The following MAGI2 variants were observed in gnomAD, a reference collection of about 807,000 sequenced individuals.
MAGI2 encodes the protein membrane-associated guanylate kinase, WW and PDZ domain-containing protein 2.
In MAGI2, 35 loss-of-function variants were observed where a neutral mutation model predicts 133.3. The observed-to-expected ratio is 0.26, with a 90% confidence interval of 0.20 to 0.35. The LOEUF is 0.35. Among genes scored for constraint, MAGI2 ranks in the 10% least tolerant of loss-of-function variants. The probability of loss-of-function intolerance (pLI) is 1.00; values close to 1 mark genes in which losing one functional copy is unlikely to be tolerated. For synonymous variants in MAGI2, 729 were observed against 710.6 expected, an observed-to-expected ratio of 1.03 and a Z score of -0.41; for missense variants, 1,636 against 1,863.4, an observed-to-expected ratio of 0.88 and a Z score of 2.25.
chr7:78,277,914 A>C (rs1211063129), intron 9 of MAGI2, among the ~76,000 whole-genome samples: 6 of 152,144 alleles, frequency 3.9e-5, no homozygotes, highest in Non-Finnish European at 7.4e-5. Flanking sequence ...GCAGGCAGAC[A>C]GAAGAGCAAA....
chr7:79,398,633 C>T (rs1441036034), intron 1 of MAGI2, among the ~76,000 whole-genome samples: 1 of 152,146 alleles, frequency 6.6e-6, no homozygotes, highest in Non-Finnish European at 1.5e-5. Flanking sequence ...TACTTTCATA[C>T]CAGGAAAAGC....
chr7:78,885,114 T>C (rs1796161355), intron 2 of MAGI2, among the ~76,000 whole-genome samples: 1 of 151,986 alleles, frequency 6.6e-6, no homozygotes. Context: ...TAGGTACATA[T>C]GGATATAAAG....
rs536025186 is a variant in MAGI2 at position 78,858,765 on chromosome 7, T to C, written c.418+148325A>G. On this transcript the variant is annotated intron_variant, in intron 2 of 21. Coordinates refer to ENST00000354212, the MANE Select transcript of MAGI2 (RefSeq NM_012301.4). Reference sequence around the variant, plus strand: ...TGGAGAGTTCTGTGGATGTCTATTATGTCTGAGTTCAATTCCTGGATATCC... The same window carrying C: ...TGGAGAGTTCTGTGGATGTCTATTACGTCTGAGTTCAATTCCTGGATATCC... 1.7e-4 allele frequency among the ~76,000 whole-genome samples: 25 copies of C among 148,120 alleles called. No individual in the cohort carries two copies. In the South Asian group the frequency reaches 5.3e-3, roughly 31 times the overall value.
At chr7:78,836,340 C>A (rs886818481) in intron 2 of MAGI2, among the ~76,000 whole-genome samples, 1 of 152,180 alleles carries the variant, frequency 6.6e-6, no homozygotes, top group African/African-American at 2.4e-5. Context: ...TCTTGTACAA[C>A]AGACTGCATA....
At chr7:78,928,339 T>G (rs1412349464) in intron 2 of MAGI2, among the ~76,000 whole-genome samples, 1 of 151,888 alleles carries the variant, frequency 6.6e-6, no homozygotes, top group Admixed American at 6.6e-5. Flanking sequence ...TTTAGAATAT[T>G]AATTATGGGA....
rs569878459 is a variant in MAGI2, at chr7:79,289,809, A to T, written c.301+163211T>A. ...ATTTTAGGAACCTTAAAACATTTCCAAGTTTTAGTTCACTTTTTTATTTCT... is the reference window on the plus strand; with the variant it reads ...ATTTTAGGAACCTTAAAACATTTCCTAGTTTTAGTTCACTTTTTTATTTCT... On this transcript the variant is annotated intron_variant, in intron 1 of 21. Coordinates refer to ENST00000354212, the MANE Select transcript of MAGI2 (RefSeq NM_012301.4). 2.0e-5 allele frequency among the ~76,000 whole-genome samples: 3 copies of T among 152,266 alleles called. No homozygotes were observed. The East Asian group carries it at 5.8e-4, about 29-fold the overall frequency.
chr7:78,029,932 T>C (rs1403701981), intron 21 of MAGI2, among the ~76,000 whole-genome samples: 1 of 152,214 alleles, frequency 6.6e-6, no homozygotes, highest in East Asian at 1.9e-4. Context: ...AGACTTTACC[T>C]TTCCGTAATT....
chr7:78,815,475 G>A (rs985173858), intron 2 of MAGI2, among the ~76,000 whole-genome samples: 1 of 151,940 alleles, frequency 6.6e-6, no homozygotes, highest in Non-Finnish European at 1.5e-5. Context: ...CACCATATAG[G>A]CTATCTCATT....
chr7:78,341,788 A>G (rs1444471643), intron 9 of MAGI2, among the ~76,000 whole-genome samples: 2 of 152,220 alleles, frequency 1.3e-5, no homozygotes, highest in Non-Finnish European at 1.5e-5. Context: ...CCCCTTCCTT[A>G]CACCTTATAT....
intron 9 of MAGI2, among the ~76,000 whole-genome samples, chr7:78,334,668 G>A (rs1482424904): frequency 4.2e-4 from 64 of 152,184 alleles, no homozygotes; most frequent in Non-Finnish European, 8.8e-5. Context: ...TACAGTAGGT[G>A]AGAAAGGAAT....
chr7:78,983,885 T>C (rs1805008159), intron 2 of MAGI2, among the ~76,000 whole-genome samples: 1 of 151,974 alleles, frequency 6.6e-6, no homozygotes, highest in Admixed American at 6.6e-5. Context: ...TGGTTTTACA[T>C]ATTACTCAAT....
chr7:78,481,419 C>T (rs1218384411), intron 6 of MAGI2, among the ~76,000 whole-genome samples: 1 of 151,934 alleles, frequency 6.6e-6, no homozygotes, highest in East Asian at 1.9e-4. Context: ...ATAATTCAGT[C>T]ATTTCCCTCT....
At chr7:78,394,310 C>A (rs976528362) in intron 6 of MAGI2, among the ~76,000 whole-genome samples, 3 of 152,188 alleles carry the variant, frequency 2.0e-5, no homozygotes, top group Non-Finnish European at 4.4e-5. Context: ...CAAATCCATT[C>A]ATTCCCTTCC....
chr7:79,321,667 C>A (rs2129561663), intron 1 of MAGI2, among the ~76,000 whole-genome samples: 2 of 152,240 alleles, frequency 1.3e-5, no homozygotes, highest in South Asian at 4.1e-4. Flanking sequence ...AAATTAGCTA[C>A]AATGCTTATT....
At chr7:79,083,917 T>G (rs148452512) in intron 1 of MAGI2, among the ~76,000 whole-genome samples, 1 of 151,730 alleles carries the variant, frequency 6.6e-6, no homozygotes, top group Non-Finnish European at 1.5e-5. Flanking sequence ...TTTCTAGAAA[T>G]GTGTCCATTT....
chr7:78,691,974 T>C (rs1817008107), intron 2 of MAGI2, among the ~76,000 whole-genome samples: 1 of 152,122 alleles, frequency 6.6e-6, no homozygotes, highest in South Asian at 2.1e-4. Flanking sequence ...GGCATGTTAA[T>C]AATGGGAAAA....
At chr7:79,342,471 A>C (rs1026378449) in intron 1 of MAGI2, among the ~76,000 whole-genome samples, 1 of 152,192 alleles carries the variant, frequency 6.6e-6, no homozygotes, top group Non-Finnish European at 1.5e-5. Flanking sequence ...TCTTTAAGCC[A>C]ATGTCAAGAT....
intron 1 of MAGI2, among the ~76,000 whole-genome samples, chr7:79,191,449 C>T (rs1827665707): frequency 1.1e-5 from 1 of 91,272 alleles, no homozygotes; most frequent in Non-Finnish European, 1.9e-5. Flanking sequence ...GATAGGGTCT[C>T]ACTGTGTCAC....
intron 6 of MAGI2, among the ~76,000 whole-genome samples, chr7:78,413,140 C>T (rs954994777): frequency 1.3e-5 from 2 of 152,150 alleles, no homozygotes; most frequent in East Asian, 1.9e-4. Flanking sequence ...TTCCCTCACC[C>T]GTAAAATGAG....
Sources: gnomAD v4.1 joint callset for allele counts (sites outside exome capture counted in the v4.1 genomes callset) on GRCh38, gnomAD v4.1.1 for gene constraint, MANE v1.5 for transcripts, NCBI Gene and HGNC (gene_info 2026-07-23, HGNC 2026-07-21) for gene names.